Variants in ATAD2 observed in about 807,000 individuals in gnomAD.
ATAD2 encodes the protein ATPase family AAA domain-containing protein 2.
Under a neutral mutation model 168.9 loss-of-function variants are expected in ATAD2, and 62 were observed. The ratio of observed to expected loss-of-function variants is 0.37; its 90% CI spans 0.30 to 0.45. The LOEUF is 0.45. Among genes scored for constraint, ATAD2 ranks in the 20% least tolerant of loss-of-function variants. The pLI, the probability that ATAD2 is intolerant of heterozygous loss-of-function variation, is 1.00. For synonymous variants in ATAD2, 613 were observed against 571.6 expected (o/e 1.07, Z -1.03); for missense variants, 1,419 against 1,667.8 (o/e 0.85, Z 2.60).
At chr8:123,409,284 A>T (rs1230819894) in intron 1 of ATAD2, among the ~76,000 whole-genome samples, 3 of 152,094 alleles carry the variant, frequency 2.0e-5, no homozygotes, top group African/African-American at 4.8e-5. Context: ...TATAATTCAG[A>T]TGGGTCTCAT....
intron 1 of ATAD2, chr8:123,401,915 G>A (rs2130019295): frequency 3.9e-6 from 3 of 774,332 alleles, no homozygotes; most frequent in South Asian, 1.3e-5. Flanking sequence ...CCAGGACAAA[G>A]GGTCCATTCA....
intron 11 of ATAD2, among the ~76,000 whole-genome samples, chr8:123,358,352 A>AT (rs953209641): frequency 1.4e-4 from 20 of 147,262 alleles, no homozygotes; most frequent in Middle Eastern, 3.5e-3. Flanking sequence ...GGCACTTTCT[A>AT]TTTTTTTTTT....
chr8:123,406,341 C>T (rs1450015277), intron 1 of ATAD2, among the ~76,000 whole-genome samples: 1 of 138,554 alleles, frequency 7.2e-6, no homozygotes, highest in Non-Finnish European at 1.5e-5. Flanking sequence ...GATCACACCA[C>T]TGCACTCCAG....
chr8:123,362,993 T>C (rs75221882), intron 8 of ATAD2, among the ~76,000 whole-genome samples: 16 of 152,286 alleles, frequency 1.1e-4, no homozygotes, highest in African/African-American at 3.9e-4. Flanking sequence ...ATTACAAATA[T>C]ACAAGAAAAT....
chr8:123,414,177 G>C (rs969415660), intron 1 of ATAD2, among the ~76,000 whole-genome samples: 1 of 148,072 alleles, frequency 6.8e-6, no homozygotes, highest in Non-Finnish European at 1.5e-5. Context: ...AATCATAGTT[G>C]CTAACATTTA....
intron 8 of ATAD2, among the ~76,000 whole-genome samples, chr8:123,363,161 G>C (rs991785247): frequency 3.3e-5 from 5 of 152,092 alleles, no homozygotes; most frequent in African/African-American, 1.2e-4. Context: ...AAATACAAAA[G>C]GTTCACAATC....
At chr8:123,353,149 A>C (rs1026073404) in intron 13 of ATAD2, among the ~76,000 whole-genome samples, 101 of 152,158 alleles carry the variant, frequency 6.6e-4, no homozygotes, top group African/African-American at 2.4e-3. Context: ...AGATCTCTTG[A>C]GGCCAGGAGT....
chr8:123,332,942 C>T (rs1474546491), intron 24 of ATAD2, among the ~76,000 whole-genome samples: 2 of 152,072 alleles, frequency 1.3e-5, no homozygotes, highest in African/African-American at 4.8e-5. Context: ...CCTTTCCCAG[C>T]TGCCTCCTCC....
intron 18 of ATAD2, 32 bp from the exon 19 acceptor site, chr8:123,345,101 A>G: frequency 1.9e-6 from 3 of 1,553,072 alleles, no homozygotes; most frequent in Non-Finnish European, 2.6e-6. Context: ...AAATTCAGTT[A>G]GAGTCAGCAC....
At chr8:123,389,986 T>TATATATATATATATATATATATATATATA (rs58743148) in intron 1 of ATAD2, among the ~76,000 whole-genome samples, 8 of 67,648 alleles carry the variant, frequency 1.2e-4, no homozygotes, top group Admixed American at 1.8e-4. Flanking sequence ...ATATATATAT[T>TATATATATATATATATATATATATATATA]TTTTTTTTTT....
intron 1 of ATAD2, among the ~76,000 whole-genome samples, chr8:123,393,056 TGC>T (rs1812660778): frequency 6.6e-6 from 1 of 152,080 alleles, no homozygotes; most frequent in East Asian, 1.9e-4. Context: ...TGTTGGCGGG[TGC>T]CTGTAGTCCC....
rs1197058037 is a variant in ATAD2 at position 123,320,631 on chromosome 8, G to C, written c.*503C>G. On this transcript the variant is annotated 3_prime_UTR_variant, in exon 28 of 28. Transcript: ENST00000287394. ...GTTCAAGAGCCCTCCCGCAAATCAT[G>C]ACTTGCACTCTGGCTTTTAAGTGAA... 1 of 154,128 alleles carries C rather than the reference G, an allele frequency of 6.5e-6. No homozygotes were observed. Among genetic ancestry groups the C allele is most frequent in the Non-Finnish European group, 1.4e-5 (1 of 69,452 alleles). 9.5% of individuals were successfully genotyped at this position (154,128 alleles called of 1,614,324 possible). A position where few individuals can be genotyped will look rare whatever the true frequency, so the allele number is the denominator to read the frequency against.
intron 2 of ATAD2, among the ~76,000 whole-genome samples, chr8:123,376,911 G>A (rs569418938): frequency 2.6e-5 from 4 of 151,822 alleles, no homozygotes; most frequent in East Asian, 3.9e-4. Context: ...TGGCCAACAT[G>A]GTGAAATCCT....
upstream of ATAD2, among the ~76,000 whole-genome samples, chr8:123,399,172 G>A (rs1023806476): frequency 6.6e-6 from 1 of 151,900 alleles, no homozygotes; most frequent in African/African-American, 2.4e-5. Flanking sequence ...TGAGGCAGGG[G>A]GATTGCTTGA....
intron 11 of ATAD2, among the ~76,000 whole-genome samples, chr8:123,358,009 A>G (rs1043121693): frequency 3.3e-5 from 5 of 152,180 alleles, no homozygotes; most frequent in African/African-American, 1.2e-4. Flanking sequence ...TACCTTGCAT[A>G]TGTAATCACA....
chr8:123,347,796 T>C (rs972919108), intron 15 of ATAD2, among the ~76,000 whole-genome samples: 5 of 152,168 alleles, frequency 3.3e-5, no homozygotes, highest in Admixed American at 6.6e-5. Flanking sequence ...ACAGGAATGA[T>C]GTGAAAATTA....
Position 123,344,971 on chromosome 8 carries a change from A to G in ATAD2, c.2631T>C (p.Phe877=), listed in dbSNP as rs1483698318. The change falls in exon 19 of 28, where the codon TTT becomes TTC. Residue 877 remains phenylalanine (F), a synonymous_variant. Transcript: ENST00000287394. Reference sequence around the variant, plus strand: ...AAGGAATATTCTGTAATAATGTGGTAAATGTGGCTTTAAGTGTCGGTCCAA... The same window carrying G: ...AAGGAATATTCTGTAATAATGTGGTGAATGTGGCTTTAAGTGTCGGTCCAA... ...EIVGPTLKAT[F]TTLLQNIPSF... 1.9e-6 allele frequency: 3 copies of G among 1,613,966 alleles called. No individual in the cohort carries two copies. Among genetic ancestry groups the G allele is most frequent in the African/African-American group, 2.7e-5 (2 of 74,942 alleles).
intron 24 of ATAD2, among the ~76,000 whole-genome samples, chr8:123,329,732 A>G (rs1827720724): frequency 8.4e-6 from 1 of 119,246 alleles, no homozygotes; most frequent in South Asian, 2.8e-4. Context: ...AGCTTGCGTG[A>G]CGCAACTCCG....
At chr8:123,380,915 AG>A in intron 1 of ATAD2, 1 of 451,526 alleles carries the variant, frequency 2.2e-6, no homozygotes, top group East Asian at 4.2e-5. Flanking sequence ...GTTCATAACA[AG>A]TAGTTCATAA....
Sources: gnomAD v4.1 joint callset for allele counts (sites outside exome capture counted in the v4.1 genomes callset) on GRCh38, gnomAD v4.1.1 for gene constraint, MANE v1.5 for transcripts, NCBI Gene and HGNC (gene_info 2026-07-23, HGNC 2026-07-21) for gene names.